Variants in BRD4 observed in about 807,000 individuals in gnomAD.
BRD4 encodes the protein bromodomain-containing protein 4.
BRD4 carries 16 observed loss-of-function variants against 142.1 expected under a neutral mutation model. The observed-to-expected ratio is 0.11, with a 90% CI of 0.08 to 0.17. The LOEUF is 0.17. Ranked by LOEUF, BRD4 falls within the 10% of genes least tolerant of loss-of-function variation. The probability of loss-of-function intolerance (pLI) is 1.00; values close to 1 mark genes in which losing one functional copy is unlikely to be tolerated. For synonymous variants in BRD4, 833 were observed against 707.5 expected (o/e 1.18, Z -2.82); for missense variants, 1,424 against 1,810.9 (o/e 0.79, Z 3.88).
chr19:15,317,763 A>G (rs1479359064), intron 1 of BRD4, among the ~76,000 whole-genome samples: 1 of 152,232 alleles, frequency 6.6e-6, no homozygotes, highest in Admixed American at 6.5e-5. Flanking sequence ...AGCTGCAGGC[A>G]GCATGCTACG....
chr19:15,255,606 A>G lies in BRD4; in HGVS notation c.1752-14T>C. ...GGCTCCTTCTTGCTACGAAGGGACGATGCAGACACCATCAAGAACGGGCCC... is the reference window on the plus strand; with the variant it reads ...GGCTCCTTCTTGCTACGAAGGGACGGTGCAGACACCATCAAGAACGGGCCC... On this transcript the variant is annotated splice_polypyrimidine_tract_variant and intron_variant, in intron 9 of 19. Transcript: ENST00000679869. 6.3e-7 allele frequency: 1 copy of G among 1,587,164 alleles called. No homozygotes were observed.
chr19:15,264,850 CCT>C lies in BRD4; in HGVS notation c.850-86_850-85del, dbSNP rs1202292662. On this transcript the variant is annotated intron_variant, in intron 5 of 19. Transcript: ENST00000679869. Reference sequence around the variant, plus strand: ...CTCAGGGTCACCCCCAAAGCCAGGCCCTGTCTTGGGGCCCATCGCTCACACAG... The same window carrying C: ...CTCAGGGTCACCCCCAAAGCCAGGCCGTCTTGGGGCCCATCGCTCACACAG... 2.0e-5 allele frequency: 31 copies of C among 1,528,196 alleles called. 1 individual carries two copies. The highest frequency in any genetic ancestry group is 1.8e-4 in the Admixed American group (9 of 49,028). The allele number at this position is 1,528,196 out of a possible 1,614,324, so 94.7% of individuals were successfully genotyped here.
intron 2 of BRD4, among the ~76,000 whole-genome samples, chr19:15,271,314 A>G (rs3787028): frequency 6.6e-6 from 1 of 152,166 alleles, no homozygotes; most frequent in East Asian, 1.9e-4. Context: ...GTGGCTTCAC[A>G]TCCTCACCTT....
chr19:15,293,998 G>A (rs1221016151), intron 1 of BRD4, among the ~76,000 whole-genome samples: 2 of 152,136 alleles, frequency 1.3e-5, no homozygotes, highest in East Asian at 3.9e-4. Context: ...GGTCTTCACC[G>A]TTTCCTGGCA....
At chr19:15,290,862 T>C (rs1345472724) in intron 1 of BRD4, among the ~76,000 whole-genome samples, 2 of 152,176 alleles carry the variant, frequency 1.3e-5, no homozygotes, top group Non-Finnish European at 1.5e-5. Context: ...ATACAGGCTA[T>C]TATAAATTTG....
chr19:15,245,435 G>A (rs373968999), intron 11 of BRD4, among the ~76,000 whole-genome samples: 1 of 152,164 alleles, frequency 6.6e-6, no homozygotes, highest in Non-Finnish European at 1.5e-5. Flanking sequence ...CTACTAAAGA[G>A]GTAGATGGAC....
chr19:15,326,778 G>C (rs561062080), intron 1 of BRD4, among the ~76,000 whole-genome samples: 3 of 152,332 alleles, frequency 2.0e-5, no homozygotes, highest in African/African-American at 4.8e-5. Context: ...CCCTGACTCA[G>C]AACTCTCTTC....
chr19:15,265,527 G>C lies in BRD4; in HGVS notation c.676C>G (p.Pro226Ala). ...PPVQATPHPF[P>A]AVTPDLIVQT... ...ACGATGAGGTCCGGGGTGACGGCAG[G>C]GAAGGGGTGAGGCGTGGCCTGCACA... is the stretch of plus-strand genomic sequence containing the variant. Residue 226 changes from proline to alanine, a missense_variant, in exon 5 of 20, where the codon CCT (proline) becomes GCT (alanine). Around this residue, in one of 16 missense-constraint regions of BRD4, gnomAD observed 140 missense variants for 131.7 expected, o/e 1.06. Coordinates refer to ENST00000679869, the MANE Select transcript of BRD4 (RefSeq NM_001379291.1). The C allele has an allele frequency of 6.2e-7, 1 of 1,614,098 alleles. No homozygotes were observed. The highest frequency in any genetic ancestry group is 8.5e-7 in the Non-Finnish European group (1 of 1,180,016).
intron 11 of BRD4, among the ~76,000 whole-genome samples, chr19:15,251,064 A>G (rs2047338513): frequency 6.6e-6 from 1 of 152,212 alleles, no homozygotes; most frequent in South Asian, 2.1e-4. Context: ...AGGAAGTGGT[A>G]GGGCTGGCCC....
chr19:15,255,767 C>G (rs532948463), intron 9 of BRD4, among the ~76,000 whole-genome samples, 175 bp from the exon 10 acceptor site: 6 of 152,196 alleles, frequency 3.9e-5, no homozygotes, highest in Non-Finnish European at 5.9e-5. Flanking sequence ...CAGTGGAGAC[C>G]GAAGCAAACT....
At chr19:15,268,865 C>T (rs200484900) in intron 3 of BRD4, 40 bp downstream of exon 3, 5 of 1,609,850 alleles carry the variant, frequency 3.1e-6, no homozygotes, top group Non-Finnish European at 4.2e-6. Flanking sequence ...CTCCCCTCCT[C>T]TCTCCCCAGG....
intron 1 of BRD4, among the ~76,000 whole-genome samples, chr19:15,289,827 GC>G (rs1164701457): frequency 3.3e-5 from 5 of 152,294 alleles, no homozygotes; most frequent in African/African-American, 7.2e-5. Flanking sequence ...TCTGGGTTCT[GC>G]CCACGGGGCA....
At chr19:15,245,946 T>C (rs1000507616) in intron 11 of BRD4, among the ~76,000 whole-genome samples, 3 of 152,220 alleles carry the variant, frequency 2.0e-5, no homozygotes, top group Non-Finnish European at 2.9e-5. Context: ...GCTAAGCTTC[T>C]GTGAGGCACG....
At position 15,295,694 on chromosome 19, in the gene BRD4, C is replaced by T. The variant is rs929178430; in HGVS notation, c.-34-22561G>A. On this transcript the variant is annotated intron_variant, in intron 1 of 19. Transcript: ENST00000679869. ...AATAAAACTGCCTTTGTGGGGGCTG[C>T]GTGCGGTGGCTCACGCCTGTAATCG... Among the ~76,000 whole-genome samples, 15 of 152,312 alleles carry T rather than the reference C, an allele frequency of 9.8e-5. 1 individual carries two copies. The highest frequency in any genetic ancestry group is 2.9e-4 in the African/African-American group (12 of 41,590).
chr19:15,285,924 C>T (rs567468856), intron 1 of BRD4, among the ~76,000 whole-genome samples: 1 of 152,108 alleles, frequency 6.6e-6, no homozygotes, highest in African/African-American at 2.4e-5. Flanking sequence ...CTTTAGGAGG[C>T]GTGTGTGAGG....
At chr19:15,268,377 G>A (rs983858529) in intron 3 of BRD4, 2 of 153,484 alleles carry the variant, frequency 1.3e-5, no homozygotes, top group African/African-American at 2.4e-5. Flanking sequence ...TAGGATCGGG[G>A]GGACACTTCA....
At position 15,267,555 on chromosome 19, in the gene BRD4, G is replaced by A. The variant is rs920568360; in HGVS notation, c.424-4C>T. On this transcript the variant is annotated splice_region_variant and splice_polypyrimidine_tract_variant and intron_variant, in intron 3 of 19. Coordinates refer to ENST00000679869, the MANE Select transcript of BRD4 (RefSeq NM_001379291.1). Reference sequence around the variant, plus strand: ...TTAAGACTATGTCATCTCCAGGCTGGATAAGGAGACACAGGGGTAGAGTCA... The same window carrying A: ...TTAAGACTATGTCATCTCCAGGCTGAATAAGGAGACACAGGGGTAGAGTCA... 8 of 1,612,442 alleles carry A rather than the reference G, an allele frequency of 5.0e-6. No homozygotes were observed. The African/African-American group carries it at 1.1e-4, about 22-fold the overall frequency.
chr19:15,307,293 C>T (rs2047922599), intron 1 of BRD4, among the ~76,000 whole-genome samples: 1 of 152,110 alleles, frequency 6.6e-6, no homozygotes, highest in African/African-American at 2.4e-5. Flanking sequence ...CTGTGCTTGA[C>T]CCTCATCAGT....
chr19:15,269,613 GCA>G (rs1208075386), intron 2 of BRD4, among the ~76,000 whole-genome samples: 1 of 152,132 alleles, frequency 6.6e-6, no homozygotes, highest in East Asian at 1.9e-4. Flanking sequence ...TCTTTCATTT[GCA>G]CACAGTCTAC....
Sources: gnomAD v4.1 joint callset for allele counts (sites outside exome capture counted in the v4.1 genomes callset) on GRCh38, gnomAD v4.1.1 for gene constraint, gnomAD v4.1.1 regional missense constraint, MANE v1.5 for transcripts, NCBI Gene and HGNC (gene_info 2026-07-23, HGNC 2026-07-21) for gene names.